Variants in ANKRD44 observed in about 807,000 individuals in gnomAD.
ANKRD44 encodes the protein ankyrin repeat domain 44.
A neutral mutation model predicts 116.0 loss-of-function variants in ANKRD44; 35 were observed. The observed-to-expected ratio is 0.30, with a 90% CI of 0.23 to 0.40. The LOEUF is 0.40. Among genes scored for constraint, ANKRD44 ranks in the 10% least tolerant of loss-of-function variants. ANKRD44 has a pLI of 1.00. For missense variants in ANKRD44, 1,014 were observed against 1,242.6 expected (o/e 0.82, Z 2.77); for synonymous variants, 435 against 461.8 (o/e 0.94, Z 0.74).
At chr2:197,101,544 A>T (rs1313853678) in intron 9 of ANKRD44, among the ~76,000 whole-genome samples, 1 of 152,194 alleles carries the variant, frequency 6.6e-6, no homozygotes, top group Non-Finnish European at 1.5e-5. Context: ...ACTGGATGCC[A>T]CTGAACTGTA....
At chr2:197,181,379 T>A (rs1034853249) in intron 2 of ANKRD44, among the ~76,000 whole-genome samples, 21 of 152,228 alleles carry the variant, frequency 1.4e-4, no homozygotes, top group African/African-American at 4.8e-4. Flanking sequence ...CTATTTGGTA[T>A]GATAATGTGT....
intron 3 of ANKRD44, among the ~76,000 whole-genome samples, chr2:197,141,089 C>T (rs371334887): frequency 3.3e-5 from 5 of 151,990 alleles, no homozygotes; most frequent in South Asian, 2.1e-4. Context: ...TGATGGCAGG[C>T]GCCTGTAATC....
intron 1 of ANKRD44, among the ~76,000 whole-genome samples, chr2:197,250,231 G>A (rs1208042828): frequency 6.6e-6 from 1 of 152,186 alleles, no homozygotes; most frequent in Non-Finnish European, 1.5e-5. Flanking sequence ...GTGATTGCAA[G>A]ATAGCTGCAG....
At chr2:196,979,085 G>A (rs925674634) in intron 21 of ANKRD44, among the ~76,000 whole-genome samples, 10 of 152,048 alleles carry the variant, frequency 6.6e-5, no homozygotes, top group African/African-American at 2.4e-4. Context: ...ACCTTCTAGA[G>A]TAGATGTAAG....
chr2:197,255,498 C>T (rs749097092), intron 1 of ANKRD44, among the ~76,000 whole-genome samples: 1 of 152,266 alleles, frequency 6.6e-6, no homozygotes, highest in Admixed American at 6.5e-5. Context: ...TGGATATAAG[C>T]TAGGTATCCC....
At chr2:197,055,538 C>A (rs1227425142) in intron 16 of ANKRD44, among the ~76,000 whole-genome samples, 1 of 152,146 alleles carries the variant, frequency 6.6e-6, no homozygotes, top group African/African-American at 2.4e-5. Context: ...TGAAGATGTT[C>A]TCTTACGCTT....
rs749393489 is a variant in ANKRD44 at position 197,025,276 on chromosome 2, A to G, written c.1651-9T>C. The stretch of plus-strand genomic sequence containing the variant: ...TTTGTTCTTTCCAAAAGCTGTGGAG[A>G]CAAAAAGCAAACAATAGTACGTGAG... On this transcript the variant is annotated splice_polypyrimidine_tract_variant and intron_variant, in intron 16 of 27. Coordinates refer to ENST00000282272, the MANE Select transcript of ANKRD44 (RefSeq NM_001195144.2). 1.2e-6 allele frequency: 2 copies of G among 1,608,500 alleles called. No individual in the cohort carries two copies. The highest frequency in any genetic ancestry group is 3.3e-5 in the Admixed American group (2 of 59,958).
At chr2:197,306,266 C>T (rs2084072115) in intron 1 of ANKRD44, among the ~76,000 whole-genome samples, 1 of 152,170 alleles carries the variant, frequency 6.6e-6, no homozygotes, top group South Asian at 2.1e-4. Context: ...AGAGCCCCAC[C>T]TGTGCAATCA....
chr2:197,081,693 G>A lies in ANKRD44; in HGVS notation c.1490C>T (p.Ser497Leu). The change falls in exon 15 of 28, where the codon TCA becomes TTA. Residue 497 changes from serine to leucine, a missense_variant. Physicochemically the swap from Ser to Leu is moderately radical, Grantham distance 145 (BLOSUM62 -2). Coordinates refer to ENST00000282272, the MANE Select transcript of ANKRD44 (RefSeq NM_001195144.2). ...CTCCCTGGCTCTTTCAAGTTCTTCT[G>A]AATTATCATGGGCATTTCCTAAGAT... ...KTILGNAHDN[S>L]EELERARELK... 6.2e-7 allele frequency: 1 copy of A among 1,613,796 alleles called. No homozygotes were observed.
intron 1 of ANKRD44, among the ~76,000 whole-genome samples, chr2:197,309,591 G>C (rs2084178359): frequency 6.6e-6 from 1 of 152,160 alleles, no homozygotes; most frequent in Non-Finnish European, 1.5e-5. Context: ...TGGCAAGTCT[G>C]ACCCTGTAGT....
intron 16 of ANKRD44, among the ~76,000 whole-genome samples, chr2:197,065,574 G>T (rs1192256748): frequency 3.3e-5 from 5 of 152,118 alleles, no homozygotes; most frequent in Non-Finnish European, 7.4e-5. Context: ...AAGAAGAAAA[G>T]AGAGAAGAAT....
chr2:197,206,240 A>G (rs1017947673), intron 1 of ANKRD44, among the ~76,000 whole-genome samples: 1 of 152,204 alleles, frequency 6.6e-6, no homozygotes, highest in Non-Finnish European at 1.5e-5. Context: ...CTTTCAGTAA[A>G]TAATATTACA....
chr2:197,299,435 T>G (rs954080163), intron 1 of ANKRD44: 3 of 152,150 alleles, frequency 2.0e-5, no homozygotes, highest in African/African-American at 7.2e-5. Flanking sequence ...CCAGCTCAAA[T>G]GCCCATCAAT....
chr2:197,107,394 C>T (rs1336176020), intron 9 of ANKRD44, among the ~76,000 whole-genome samples: 4 of 152,198 alleles, frequency 2.6e-5, no homozygotes, highest in Non-Finnish European at 5.9e-5. Flanking sequence ...TGCCTTCAGA[C>T]ACCAGATGCT....
At chr2:197,032,917 TG>T (rs1431292585) in intron 16 of ANKRD44, among the ~76,000 whole-genome samples, 8 of 152,214 alleles carry the variant, frequency 5.3e-5, no homozygotes, top group African/African-American at 1.9e-4. Flanking sequence ...TGAATGGTGA[TG>T]CCTTCTTCAT....
chr2:197,194,644 T>G (rs1287774922), intron 1 of ANKRD44, among the ~76,000 whole-genome samples: 1 of 152,156 alleles, frequency 6.6e-6, no homozygotes, highest in Non-Finnish European at 1.5e-5. Flanking sequence ...AGAAATATTA[T>G]ACACTAAGGA....
chr2:197,208,800 A>AAAAAAAT (rs762808257), intron 1 of ANKRD44, among the ~76,000 whole-genome samples: 1 of 151,956 alleles, frequency 6.6e-6, no homozygotes, highest in Admixed American at 6.6e-5. Flanking sequence ...ACTCTGTCTC[A>AAAAAAAT]AAAAAATAAA....
At chr2:197,095,355 C>T (rs1287057645) in intron 10 of ANKRD44, among the ~76,000 whole-genome samples, 1 of 152,128 alleles carries the variant, frequency 6.6e-6, no homozygotes, top group African/African-American at 2.4e-5. Flanking sequence ...TAAGGCTGAA[C>T]CTAGGGAGGG....
intron 16 of ANKRD44, among the ~76,000 whole-genome samples, chr2:197,055,283 G>T (rs62279187): frequency 0.13 from 19,160 of 152,068 alleles, 1,423 homozygotes; most frequent in Non-Finnish European, 0.17. Context: ...TTTCTATTGG[G>T]TTATCTATTT....
Sources: gnomAD v4.1 joint callset for allele counts (sites outside exome capture counted in the v4.1 genomes callset) on GRCh38, gnomAD v4.1.1 for gene constraint, MANE v1.5 for transcripts, NCBI Gene and HGNC (gene_info 2026-07-23, HGNC 2026-07-21) for gene names.